Variants in TMEM178B observed in about 807,000 individuals in gnomAD.
TMEM178B encodes the protein transmembrane protein 178B.
Under a neutral mutation model 31.0 loss-of-function variants are expected in TMEM178B, and 5 were observed. That is an observed-to-expected ratio of 0.16 (90% CI 0.08 to 0.34). TMEM178B has a LOEUF of 0.34. TMEM178B is among the 10% of genes least tolerant of loss of function. The pLI, the probability that TMEM178B is intolerant of heterozygous loss-of-function variation, is 1.00. For synonymous variants in TMEM178B, 164 were observed against 164.0 expected, an observed-to-expected ratio of 1.00 and a Z score of 0.00; for missense variants, 275 against 400.3, an observed-to-expected ratio of 0.69 and a Z score of 2.67.
At chr7:141,194,545 G>A (rs976238472) in intron 1 of TMEM178B, among the ~76,000 whole-genome samples, 9 of 152,132 alleles carry the variant, frequency 5.9e-5, no homozygotes, top group South Asian at 2.1e-4. Flanking sequence ...GGGAAGCTCC[G>A]CCCCTGTGGC....
rs547594865 is a variant in TMEM178B at position 141,461,205 on chromosome 7, G to A, written c.635-9331G>A. Among the ~76,000 whole-genome samples the A allele has an allele frequency of 5.9e-5, 9 of 152,284 alleles. No homozygotes were observed. In the South Asian group the frequency reaches 6.2e-4, roughly 11 times the overall value. On this transcript the variant is annotated intron_variant, in intron 3 of 3. Transcript: ENST00000565468. The surrounding 1 kb of genome is among the most constrained non-coding windows in gnomAD (Gnocchi z 4.0). ...GAGGGAGGTGTCTCATGGAGGACTT[G>A]GCTGCTTCTTCTCTGACCTCCCTGA...
intron 2 of TMEM178B, among the ~76,000 whole-genome samples, chr7:141,390,254 C>T (rs1229322559): frequency 1.3e-5 from 2 of 152,214 alleles, no homozygotes; most frequent in Admixed American, 6.5e-5. Context: ...TTGGGGGCCA[C>T]ACCCTCTATG....
intron 2 of TMEM178B, among the ~76,000 whole-genome samples, chr7:141,385,609 A>C (rs533256451): frequency 6.6e-6 from 1 of 152,154 alleles, no homozygotes; most frequent in Non-Finnish European, 1.5e-5. Context: ...GTTTCCCATC[A>C]TCCTTTTTGT....
chr7:141,189,757 C>T (rs552119386), intron 1 of TMEM178B, among the ~76,000 whole-genome samples: 4 of 152,272 alleles, frequency 2.6e-5, no homozygotes, highest in Admixed American at 2.0e-4. Flanking sequence ...GAAAGGTCAG[C>T]CCTGCCTTGG....
intron 1 of TMEM178B, among the ~76,000 whole-genome samples, chr7:141,085,150 A>ATTTT (rs61516388): frequency 1.3e-5 from 1 of 74,504 alleles, no homozygotes; most frequent in Non-Finnish European, 2.6e-5. Context: ...GCTAATTTGT[A>ATTTT]TTTTTTTTTT....
At chr7:141,499,766 C>A in the TMEM178B span, among the ~76,000 whole-genome samples, 1 of 152,106 alleles carries the variant, frequency 6.6e-6, no homozygotes. Context: ...TCAGACTTTA[C>A]CTTGAGTTAA....
chr7:141,253,544 C>CTTTTTTTTTTTT (rs34199017), intron 2 of TMEM178B, among the ~76,000 whole-genome samples: 3 of 70,042 alleles, frequency 4.3e-5, no homozygotes, highest in African/African-American at 5.5e-5. Context: ...ATTTTCCCTT[C>CTTTTTTTTTTTT]TTTTTTTTTT....
At chr7:141,333,033 T>C (rs191718495) in intron 2 of TMEM178B, among the ~76,000 whole-genome samples, 1 of 152,326 alleles carries the variant, frequency 6.6e-6, no homozygotes, top group Admixed American at 6.5e-5. Context: ...AGTTTATCAT[T>C]ATATCCTCTC....
chr7:141,180,480 A>AG (rs1291214881), intron 1 of TMEM178B, among the ~76,000 whole-genome samples: 1 of 150,956 alleles, frequency 6.6e-6, no homozygotes, highest in Non-Finnish European at 1.5e-5. Flanking sequence ...AAAAAAAAAA[A>AG]AAAGAAAGAA....
At chr7:141,153,509 G>A (rs1012265283) in intron 1 of TMEM178B, among the ~76,000 whole-genome samples, 4 of 152,164 alleles carry the variant, frequency 2.6e-5, no homozygotes, top group Non-Finnish European at 4.4e-5. Context: ...CAAAAGGCAT[G>A]TACATTTAAA....
chr7:141,358,225 G>A (rs1799855383), intron 2 of TMEM178B, among the ~76,000 whole-genome samples: 1 of 152,268 alleles, frequency 6.6e-6, no homozygotes, highest in South Asian at 2.1e-4. Flanking sequence ...CAGATACTCA[G>A]TATCTAATTT....
At chr7:141,163,446 G>T (rs111369997) in intron 1 of TMEM178B, among the ~76,000 whole-genome samples, 1 of 152,130 alleles carries the variant, frequency 6.6e-6, no homozygotes, top group Non-Finnish European at 1.5e-5. Context: ...GCAAAGAGAA[G>T]GGTGAAGAAT....
intron 1 of TMEM178B, among the ~76,000 whole-genome samples, chr7:141,081,813 T>C (rs1794691543): frequency 6.6e-6 from 1 of 152,200 alleles, no homozygotes; most frequent in Non-Finnish European, 1.5e-5. Context: ...TCTACAGTAG[T>C]GTACAGTAAT....
At chr7:141,378,131 T>C (rs1047127943) in intron 2 of TMEM178B, among the ~76,000 whole-genome samples, 2 of 152,228 alleles carry the variant, frequency 1.3e-5, no homozygotes, top group African/African-American at 4.8e-5. Context: ...AATACTGCTC[T>C]GGTATGTTGT....
rs1288238165 is a variant in TMEM178B at position 141,475,066 on chromosome 7, C to T, written c.*4280C>T. On this transcript the variant is annotated 3_prime_UTR_variant, in exon 4 of 4. Transcript: ENST00000565468. ...CCCTGTCTTCAGGGGACTTACCCAT[C>T]CCAGGGGACACATCCATCCCAGGGG... 6.6e-6 allele frequency: 1 copy of T among 152,242 alleles called. No homozygotes were observed. The highest frequency in any genetic ancestry group is 2.4e-5 in the African/African-American group (1 of 41,452). The allele number at this position is 152,242 out of a possible 1,614,324, so 9.4% of individuals were successfully genotyped here.
At chr7:141,439,706 G>A (rs915273671) in intron 3 of TMEM178B, among the ~76,000 whole-genome samples, 1 of 152,178 alleles carries the variant, frequency 6.6e-6, no homozygotes, top group Non-Finnish European at 1.5e-5. Flanking sequence ...AGGTCTCCCA[G>A]GAATCCAAGA....
At chr7:141,386,802 G>T (rs900312282) in intron 2 of TMEM178B, among the ~76,000 whole-genome samples, 3 of 152,170 alleles carry the variant, frequency 2.0e-5, no homozygotes, top group Non-Finnish European at 2.9e-5. Flanking sequence ...TCCTGGGGTG[G>T]CTCATGAAAT....
At chr7:141,457,410 A>G (rs1025085915) in intron 3 of TMEM178B, among the ~76,000 whole-genome samples, 2 of 152,212 alleles carry the variant, frequency 1.3e-5, no homozygotes, top group African/African-American at 4.8e-5. Context: ...GTATGTGTGT[A>G]TACATGTGTA....
At chr7:141,451,820 C>T (rs1396718196) in intron 3 of TMEM178B, among the ~76,000 whole-genome samples, 1 of 152,184 alleles carries the variant, frequency 6.6e-6, no homozygotes, top group Admixed American at 6.5e-5. Flanking sequence ...CTTATTACTT[C>T]TAGAGCTCCA....
Sources: allele counts gnomAD v4.1 joint callset (sites outside exome capture counted in the v4.1 genomes callset), GRCh38; gene constraint gnomAD v4.1.1; non-coding constraint Gnocchi (gnomAD v3.1); transcripts MANE v1.5; gene names NCBI Gene and HGNC (gene_info 2026-07-23, HGNC 2026-07-21).